The following SP110 variants were observed in gnomAD, a reference collection of about 807,000 sequenced individuals.
SP110 encodes interferon-induced protein 41, 30kD.
In SP110, 62 loss-of-function variants were observed where a neutral mutation model predicts 92.7. The ratio of observed to expected loss-of-function variants is 0.67; its 90% CI spans 0.55 to 0.83. The LOEUF (loss-of-function observed/expected upper bound fraction) is 0.83, where lower values mean the gene tolerates loss of function less well. SP110 is among the 40% of genes least tolerant of loss of function. The pLI, the probability that SP110 is intolerant of heterozygous loss-of-function variation, is 0.00. For synonymous variants in SP110, 273 were observed against 305.3 expected (o/e 0.89, Z 1.10); for missense variants, 793 against 863.9 (o/e 0.92, Z 1.03).
chr2:230,177,784 A>T (rs1574605601), intron 13 of SP110, 104 bp from the exon 14 acceptor site: 1 of 1,304,174 alleles, frequency 7.7e-7, no homozygotes, highest in East Asian at 2.3e-5. Flanking sequence ...GTCAAGAGAG[A>T]CTTCCTCTGT....
chr2:230,206,505 C>G (rs1357026734), intron 8 of SP110, among the ~76,000 whole-genome samples: 1 of 149,804 alleles, frequency 6.7e-6, no homozygotes, highest in East Asian at 2.0e-4. Flanking sequence ...CTCTTTTCTT[C>G]TCCCATAGAT....
intron 13 of SP110, 135 bp downstream of exon 13, chr2:230,178,022 T>C: frequency 1.4e-6 from 1 of 715,450 alleles, no homozygotes; most frequent in Non-Finnish European, 2.5e-6. Flanking sequence ...TGGAAATTCC[T>C]TCCTAAGAAG....
intron 3 of SP110, among the ~76,000 whole-genome samples, chr2:230,214,708 T>C (rs2044907312): frequency 6.6e-6 from 1 of 152,228 alleles, no homozygotes; most frequent in Non-Finnish European, 1.5e-5. Flanking sequence ...TTGTATGATT[T>C]TTTTCCAAAT....
At chr2:230,181,986 A>G (rs2042146457) in intron 12 of SP110, among the ~76,000 whole-genome samples, 1 of 152,272 alleles carries the variant, frequency 6.6e-6, no homozygotes, top group Non-Finnish European at 1.5e-5. Context: ...AAATCATTCT[A>G]TTATAAATAT....
At chr2:230,184,628 T>G (rs1178354539) in intron 11 of SP110, among the ~76,000 whole-genome samples, 1 of 152,140 alleles carries the variant, frequency 6.6e-6, no homozygotes, top group African/African-American at 2.4e-5. Context: ...AAAAGCTTCT[T>G]AAGTTCAAAG....
At chr2:230,223,632 A>G (rs2045995419), upstream of SP110, among the ~76,000 whole-genome samples, 1 of 152,184 alleles carries the variant, frequency 6.6e-6, no homozygotes, top group South Asian at 2.1e-4. Flanking sequence ...TCAATCTGGG[A>G]TTGGTTATCT....
At chr2:230,212,623 GA>G in intron 4 of SP110, 137 bp downstream of exon 4, 1 of 1,255,988 alleles carries the variant, frequency 8.0e-7, no homozygotes, top group Non-Finnish European at 1.2e-6. Context: ...AATCCCTCTT[GA>G]AAAGGGTTGT....
At chr2:230,195,910 A>C (rs2042850037) in intron 10 of SP110, among the ~76,000 whole-genome samples, 1 of 152,206 alleles carries the variant, frequency 6.6e-6, no homozygotes, top group Non-Finnish European at 1.5e-5. Context: ...CAAAAGATGA[A>C]TGGTAATCTA....
At chr2:230,223,295 G>A (rs368952804), upstream of SP110, among the ~76,000 whole-genome samples, 46 of 152,186 alleles carry the variant, frequency 3.0e-4, no homozygotes, top group East Asian at 5.8e-4. Flanking sequence ...TCAGCCTCCC[G>A]AAGTGCTGGG....
At position 230,211,860 on chromosome 2, in the gene SP110, T is replaced by C. The variant is rs57334726; in HGVS notation, c.668-307A>G. Among the ~76,000 whole-genome samples, 9,868 of 152,226 alleles carry C rather than the reference T, an allele frequency of 0.065. 872 individuals are homozygous for C. The highest frequency in any genetic ancestry group is 0.2 in the African/African-American group (8,289 of 41,496). On this transcript the variant is annotated intron_variant, in intron 5 of 18. Transcript: ENST00000258381. This position sits in a 1 kb window ranked among gnomAD's most constrained non-coding sequence, Gnocchi z 4.2. Reference sequence around the variant, plus strand: ...TCAGTACTGGAGAGCTCAGAATCCATGGTATCATTTTTGACAATGCCCAAT... The same window carrying C: ...TCAGTACTGGAGAGCTCAGAATCCACGGTATCATTTTTGACAATGCCCAAT...
intron 10 of SP110, among the ~76,000 whole-genome samples, chr2:230,186,420 T>C (rs1385994801): frequency 6.6e-6 from 1 of 152,180 alleles, no homozygotes; most frequent in Admixed American, 6.5e-5. Context: ...CTAGGACAGA[T>C]ACCTGGCCCA....
At chr2:230,187,583 G>T (rs2042413720) in intron 10 of SP110, among the ~76,000 whole-genome samples, 1 of 152,022 alleles carries the variant, frequency 6.6e-6, no homozygotes. Context: ...ATGTCCAGAA[G>T]AGTTTTTCCT....
chr2:230,206,841 A>G (rs1287428902), intron 8 of SP110, among the ~76,000 whole-genome samples: 11 of 151,862 alleles, frequency 7.2e-5, no homozygotes, highest in Admixed American at 7.2e-4. Context: ...CTATTTTTCT[A>G]GTTAATTACT....
Position 230,215,059 on chromosome 2 carries a change from G to T in SP110, c.207C>A (p.Leu69=). 1 of 1,613,660 alleles carries T rather than the reference G, an allele frequency of 6.2e-7. No homozygotes were observed. Among genetic ancestry groups the T allele is most frequent in the East Asian group, 2.2e-5 (1 of 44,884 alleles). The stretch of plus-strand genomic sequence containing the variant: ...GGTTAAAAGTCCTCTCCAGTTGGGT[G>T]AGAATGTTGTGCACCACTCTGGATA... ...IPVSRVVHNI[L]TQLERTFNLS... Residue 69 remains leucine (L), a synonymous_variant, in exon 3 of 19, where the codon CTC becomes CTA. Transcript: ENST00000258381.
intron 1 of SP110, among the ~76,000 whole-genome samples, chr2:230,219,056 C>G (rs1038520798): frequency 6.6e-6 from 1 of 152,244 alleles, no homozygotes; most frequent in South Asian, 2.1e-4. Flanking sequence ...GAAACCCTGT[C>G]TCTACTAAAA....
intron 8 of SP110, among the ~76,000 whole-genome samples, chr2:230,207,014 C>T (rs2043938889): frequency 6.6e-6 from 1 of 152,100 alleles, no homozygotes; most frequent in Non-Finnish European, 1.5e-5. Flanking sequence ...AACTTGGAGA[C>T]ATCTTTAGGT....
At chr2:230,223,270 C>T (rs951914448), upstream of SP110, among the ~76,000 whole-genome samples, 15 of 152,042 alleles carry the variant, frequency 9.9e-5, 1 homozygote, top group Admixed American at 8.5e-4. Flanking sequence ...CTCCTGACCT[C>T]GTGATCTGCC....
chr2:230,206,529 T>C (rs1158174118), intron 8 of SP110, among the ~76,000 whole-genome samples: 1 of 147,736 alleles, frequency 6.8e-6, no homozygotes, highest in East Asian at 2.0e-4. Flanking sequence ...AATACCTTTA[T>C]TTTATTGATA....
At chr2:230,213,811 T>TG (rs1231105851) in intron 3 of SP110, 2 of 152,426 alleles carry the variant, frequency 1.3e-5, no homozygotes, top group Non-Finnish European at 2.9e-5. Flanking sequence ...GGTTCTCAGA[T>TG]GTTCTTACCA....
Sources: allele counts gnomAD v4.1 joint callset (sites outside exome capture counted in the v4.1 genomes callset), GRCh38; gene constraint gnomAD v4.1.1; non-coding constraint Gnocchi (gnomAD v3.1); transcripts MANE v1.5; gene names NCBI Gene and HGNC (gene_info 2026-07-23, HGNC 2026-07-21).